Variants in EXPH5 observed in about 807,000 individuals in gnomAD.
EXPH5 encodes exophilin-5.
EXPH5 carries 42 observed loss-of-function variants against 41.1 expected under a neutral mutation model. The observed-to-expected ratio is 1.02, with a 90% CI of 0.80 to 1.32. EXPH5 has a LOEUF of 1.32. EXPH5 is among the 40% of genes most tolerant of loss of function. The pLI, the probability that EXPH5 is intolerant of heterozygous loss-of-function variation, is 0.00. For synonymous variants in EXPH5, 798 were observed against 833.5 expected, an observed-to-expected ratio of 0.96 and a Z score of 0.73; for missense variants, 2,298 against 2,314.5, an observed-to-expected ratio of 0.99 and a Z score of 0.15.
chr11:108,599,054 G>C, the EXPH5 span, among the ~76,000 whole-genome samples: 1 of 152,016 alleles, frequency 6.6e-6, no homozygotes, highest in Non-Finnish European at 1.5e-5. Flanking sequence ...GAGAGAGAGA[G>C]ATCTTCCCAG....
At chr11:108,594,278 C>T (rs1187310233), upstream of EXPH5, among the ~76,000 whole-genome samples, 5 of 152,134 alleles carry the variant, frequency 3.3e-5, no homozygotes, top group Admixed American at 1.3e-4. Context: ...CCTCCACTGT[C>T]CCACAAAAGT....
intron 3 of EXPH5, among the ~76,000 whole-genome samples, chr11:108,533,285 C>A (rs1411440481): frequency 1.3e-5 from 2 of 151,976 alleles, no homozygotes; most frequent in Non-Finnish European, 2.9e-5. Flanking sequence ...CTCACTGCAA[C>A]CTCTGCCTCC....
chr11:108,541,264 G>T (rs1332802966), intron 2 of EXPH5, among the ~76,000 whole-genome samples: 1 of 152,082 alleles, frequency 6.6e-6, no homozygotes, highest in Admixed American at 6.6e-5. Flanking sequence ...ACCTTATGAG[G>T]TGTAGGTATC....
chr11:108,559,754 AAG>A, intron 1 of EXPH5, among the ~76,000 whole-genome samples: 1 of 152,236 alleles, frequency 6.6e-6, no homozygotes. Context: ...AGAAGACAGA[AAG>A]AGCAGCCTAT....
the EXPH5 span, among the ~76,000 whole-genome samples, chr11:108,602,452 A>G: frequency 6.6e-6 from 1 of 151,864 alleles, no homozygotes; most frequent in East Asian, 1.9e-4. Context: ...ATGTAGATTT[A>G]TGTTATCCAC....
chr11:108,512,019 G>T lies in EXPH5; in HGVS notation c.3488C>A (p.Pro1163His). 1 of 1,593,668 alleles carries T rather than the reference G, an allele frequency of 6.3e-7. No homozygotes were observed. Among genetic ancestry groups the T allele is most frequent in the Middle Eastern group, 1.7e-4 (1 of 5,930 alleles). Residue 1163 changes from proline (P) to histidine (H), a missense_variant, in exon 6 of 6, where the codon CCT becomes CAT. By Grantham distance (77) the Pro-to-His change is moderately conservative. Transcript: ENST00000265843. The stretch of plus-strand genomic sequence containing the variant: ...TCTAACAGATGAGTCACTTTCCACA[G>T]GGCTAATGATTCTCTCCCAAGCCCT... ...TPRAWERIISPVESDSSVRDC... is the reference protein window; with the variant it reads ...TPRAWERIISHVESDSSVRDC...
Position 108,509,716 on chromosome 11 carries a change from TGGGAG to T in EXPH5, c.5786_5790del (p.Pro1929GlnfsTer13). On this transcript the variant is annotated frameshift_variant, in exon 6 of 6. Coordinates refer to ENST00000265843, the MANE Select transcript of EXPH5 (RefSeq NM_015065.3). LOFTEE classifies it high-confidence loss of function. ...TTTGAGCTTAATGACTCTGAGGGGT[TGGGAG>T]GGTTCCTCAAATCATCTTTTAGGAA... The T allele has an allele frequency of 6.2e-7, 1 of 1,610,408 alleles. No homozygotes were observed. Among genetic ancestry groups the T allele is most frequent in the East Asian group, 2.2e-5 (1 of 44,862 alleles).
intron 4 of EXPH5, among the ~76,000 whole-genome samples, chr11:108,526,259 C>A (rs2093798133): frequency 6.6e-6 from 1 of 152,044 alleles, no homozygotes; most frequent in African/African-American, 2.4e-5. Context: ...TCATGGGGAG[C>A]AACAGTCACT....
At chr11:108,564,279 C>T (rs183762488) in intron 1 of EXPH5, among the ~76,000 whole-genome samples, 50 of 151,912 alleles carry the variant, frequency 3.3e-4, no homozygotes, top group African/African-American at 1.2e-3. Context: ...CAGAACAAGA[C>T]GGTCTAAAAA....
chr11:108,526,129 C>T (rs1181920333), intron 4 of EXPH5, among the ~76,000 whole-genome samples: 1 of 151,620 alleles, frequency 6.6e-6, no homozygotes, highest in Non-Finnish European at 1.5e-5. Context: ...CACTATGTTG[C>T]CCAAGCTGGT....
Position 108,512,467 on chromosome 11 carries a change from C to G in EXPH5, c.3040G>C (p.Glu1014Gln), listed in dbSNP as rs1356401453. Residue 1014 changes from glutamate (E) to glutamine (Q), a missense_variant, in exon 6 of 6, where the codon GAA becomes CAA. Physicochemically the swap from Glu to Gln is conservative, Grantham distance 29 (BLOSUM62 2). Coordinates refer to ENST00000265843, the MANE Select transcript of EXPH5 (RefSeq NM_015065.3). ...EANQSNSKVS[E>Q]LDTIYCTLPR... is the part of the protein sequence containing the mutation. ...AAGGTACAATAAATTGTGTCAAGTT[C>G]AGAAACTTTGGAATTGCTTTGATTT... 6.2e-7 allele frequency: 1 copy of G among 1,613,874 alleles called. No individual in the cohort carries two copies. The highest frequency in any genetic ancestry group is 8.5e-7 in the Non-Finnish European group (1 of 1,180,004).
chr11:108,511,690 G>T lies in EXPH5; in HGVS notation c.3817C>A (p.Gln1273Lys), dbSNP rs1183824504. 1.2e-6 allele frequency: 2 copies of T among 1,606,200 alleles called. No individual in the cohort carries two copies. Among genetic ancestry groups the T allele is most frequent in the Admixed American group, 1.7e-5 (1 of 57,934 alleles). The change falls in exon 6 of 6, where the codon CAA becomes AAA. Residue 1273 changes from glutamine to lysine, a missense_variant. Gln to Lys is a moderately conservative substitution (Grantham distance 53). Coordinates refer to ENST00000265843, the MANE Select transcript of EXPH5 (RefSeq NM_015065.3). ...GATTCTATAAGTAAATTAGTATTTT[G>T]TGTATACTGTTGAAGGAGGTTACAG... Reference protein sequence around the residue: ...KFCNLLQQYTQNTNLLIESPQ... With the variant: ...KFCNLLQQYTKNTNLLIESPQ...
At position 108,541,697 on chromosome 11, in the gene EXPH5, T is replaced by A; in HGVS notation, c.235A>T (p.Lys79Ter). The change falls in exon 2 of 6, where the codon AAA becomes TAA. Residue 79 changes from lysine (K) to a stop codon, truncating the protein, a stop_gained. Transcript: ENST00000265843. LOFTEE classifies it high-confidence loss of function. Reference sequence around the variant, plus strand: ...CTTAGCCTGTATGTAAGTGGTTGTTTTAACATTTGGCTAACATCTGTTTCA... The same window carrying A: ...CTTAGCCTGTATGTAAGTGGTTGTTATAACATTTGGCTAACATCTGTTTCA... ...CNETDVSQML[K>*]QPLTYRLSKE... is the part of the protein sequence containing the mutation. The A allele has an allele frequency of 6.2e-7, 1 of 1,612,102 alleles. No homozygotes were observed. Among genetic ancestry groups the A allele is most frequent in the Non-Finnish European group, 8.5e-7 (1 of 1,179,364 alleles).
chr11:108,518,272 C>G lies in EXPH5; in HGVS notation c.594G>C (p.Pro198=). 6.2e-7 allele frequency: 1 copy of G among 1,613,834 alleles called. No homozygotes were observed. Among genetic ancestry groups the G allele is most frequent in the African/African-American group, 1.3e-5 (1 of 75,026 alleles). The change falls in exon 5 of 6, where the codon CCG becomes CCC. Residue 198 remains proline, a synonymous_variant. Coordinates refer to ENST00000265843, the MANE Select transcript of EXPH5 (RefSeq NM_015065.3). ...CATTCTCCAGCAGTGAAGCATCCCA[C>G]GGTGGAGGCATGCCACTCTCCTCCC... ...VMREESGMPP[P]WDASLLENEF...
chr11:108,520,629 C>T lies in EXPH5; in HGVS notation c.493-2256G>A, dbSNP rs901325930. ...TGTGGCCCAGGCTGGAGTGCAGTGGCGCGATCTGGGCTCTGCACCATCCAC... is the reference window on the plus strand; with the variant it reads ...TGTGGCCCAGGCTGGAGTGCAGTGGTGCGATCTGGGCTCTGCACCATCCAC... On this transcript the variant is annotated intron_variant, in intron 4 of 5. Coordinates refer to ENST00000265843, the MANE Select transcript of EXPH5 (RefSeq NM_015065.3). 6.6e-5 allele frequency among the ~76,000 whole-genome samples: 10 copies of T among 152,102 alleles called. No individual in the cohort carries two copies. The South Asian group carries it at 8.3e-4, about 13-fold the overall frequency.
chr11:108,545,180 G>A (rs557028379), intron 1 of EXPH5, among the ~76,000 whole-genome samples: 2 of 152,188 alleles, frequency 1.3e-5, no homozygotes, highest in African/African-American at 4.8e-5. Context: ...TCGGGAGGCC[G>A]AGGCAGGATG....
Position 108,506,726 on chromosome 11 carries a change from C to T in EXPH5, c.*2811G>A, listed in dbSNP as rs1203024688. ...GATAAATAGGGCTGGCGAGGTGGCTCATGCCTATAATCCCAGCAGTTTGGG... is the reference window on the plus strand; with the variant it reads ...GATAAATAGGGCTGGCGAGGTGGCTTATGCCTATAATCCCAGCAGTTTGGG... On this transcript the variant is annotated 3_prime_UTR_variant, in exon 6 of 6. Transcript: ENST00000265843. The T allele has an allele frequency of 1.3e-5, 2 of 152,164 alleles. No homozygotes were observed. Among genetic ancestry groups the T allele is most frequent in the Non-Finnish European group, 2.9e-5 (2 of 68,032 alleles). The allele number at this position is 152,164 out of a possible 1,614,324, so 9.4% of individuals were successfully genotyped here.
At chr11:108,592,061 G>C (rs2094128700) in intron 1 of EXPH5, among the ~76,000 whole-genome samples, 1 of 152,120 alleles carries the variant, frequency 6.6e-6, no homozygotes, top group Admixed American at 6.6e-5. Context: ...TCTGAAAGTT[G>C]GGTGTGCCTT....
chr11:108,568,999 G>A (rs1445998604), intron 1 of EXPH5, among the ~76,000 whole-genome samples: 1 of 151,960 alleles, frequency 6.6e-6, no homozygotes, highest in East Asian at 1.9e-4. Flanking sequence ...AGGGGCCTCG[G>A]CTCAGCACAC....
Sources: allele counts gnomAD v4.1 joint callset (sites outside exome capture counted in the v4.1 genomes callset), GRCh38; gene constraint gnomAD v4.1.1; transcripts MANE v1.5; gene names NCBI Gene and HGNC (gene_info 2026-07-23, HGNC 2026-07-21).